Variants in ZPBP observed in about 807,000 individuals in gnomAD.
ZPBP encodes the protein zona pellucida binding protein, also known as zona pellucida-binding protein 1.
Under a neutral mutation model 44.8 loss-of-function variants are expected in ZPBP, and 26 were observed. The observed-to-expected ratio is 0.58, with a 90% CI of 0.43 to 0.81. ZPBP has a LOEUF of 0.81. ZPBP is among the 30% of genes least tolerant of loss of function. The pLI is 0.00. For missense variants in ZPBP, 409 were observed against 434.0 expected (o/e 0.94, Z 0.51); for synonymous variants, 174 against 153.2 (o/e 1.14, Z -1.00).
intron 7 of ZPBP, among the ~76,000 whole-genome samples, chr7:49,957,665 G>C (rs2128762438): frequency 6.6e-6 from 1 of 152,312 alleles, no homozygotes; most frequent in East Asian, 1.9e-4. Context: ...AAAGAAACTT[G>C]TTGTGAACAA....
downstream of ZPBP, among the ~76,000 whole-genome samples, chr7:49,932,685 G>A (rs547647147): frequency 2.6e-5 from 4 of 152,294 alleles, no homozygotes; most frequent in East Asian, 3.9e-4. Context: ...GTTTTGAAAT[G>A]TGAGGACATG....
At chr7:49,881,498 C>T (rs1053346194) in intron 2 of ZPBP, among the ~76,000 whole-genome samples, 1 of 152,152 alleles carries the variant, frequency 6.6e-6, no homozygotes, top group Non-Finnish European at 1.5e-5. Flanking sequence ...AACGTCCTGT[C>T]TCTTTTGACT....
At chr7:50,067,308 T>C (rs891253369) in intron 3 of ZPBP, among the ~76,000 whole-genome samples, 3 of 151,976 alleles carry the variant, frequency 2.0e-5, no homozygotes, top group African/African-American at 7.2e-5. Context: ...AATTTCTTCC[T>C]TGTACTTTAT....
At chr7:50,044,373 C>G (rs1329249058) in intron 4 of ZPBP, among the ~76,000 whole-genome samples, 1 of 152,008 alleles carries the variant, frequency 6.6e-6, no homozygotes, top group Non-Finnish European at 1.5e-5. Context: ...TCAATGAATC[C>G]AGGAGCTGGT....
At chr7:49,887,825 C>A (rs1683454162) in intron 2 of ZPBP, among the ~76,000 whole-genome samples, 1 of 152,338 alleles carries the variant, frequency 6.6e-6, no homozygotes, top group Non-Finnish European at 1.5e-5. Context: ...TCCCATCCCC[C>A]AGAAATATCT....
chr7:49,866,531 C>G (rs79185835), intron 2 of ZPBP, among the ~76,000 whole-genome samples: 4,180 of 152,244 alleles, frequency 0.027, 157 homozygotes, highest in South Asian at 0.12. Flanking sequence ...GCAGGTCACA[C>G]GGGCAAGCCC....
chr7:50,036,242 C>T (rs1017932991), intron 4 of ZPBP, among the ~76,000 whole-genome samples: 1 of 152,160 alleles, frequency 6.6e-6, no homozygotes, highest in Non-Finnish European at 1.5e-5. Flanking sequence ...CAACCTCCAC[C>T]TCCCGGGTTC....
chr7:49,955,855 G>T (rs542697995), intron 7 of ZPBP, among the ~76,000 whole-genome samples: 1 of 152,226 alleles, frequency 6.6e-6, no homozygotes, highest in Admixed American at 6.5e-5. Flanking sequence ...TGATCAATTT[G>T]TGGAATAAGT....
chr7:49,890,730 C>A (rs115099336), intron 2 of ZPBP, among the ~76,000 whole-genome samples: 83 of 145,582 alleles, frequency 5.7e-4, no homozygotes, highest in Middle Eastern at 3.5e-3. Context: ...CAAAGCAAAA[C>A]AAAAAAAAAA....
chr7:49,996,584 T>C (rs778108909), intron 6 of ZPBP, among the ~76,000 whole-genome samples: 3 of 152,302 alleles, frequency 2.0e-5, no homozygotes, highest in Non-Finnish European at 4.4e-5. Context: ...TTTTTGGTTG[T>C]TTACTAGGGT....
intron 1 of ZPBP, among the ~76,000 whole-genome samples, chr7:49,931,845 GC>G (rs201550989): frequency 6.6e-6 from 1 of 152,214 alleles, no homozygotes; most frequent in Non-Finnish European, 1.5e-5. Context: ...AAGGCCTAGG[GC>G]CCCCCTGCTC....
At chr7:50,031,018 G>T in intron 5 of ZPBP, 74 bp downstream of exon 5, 1 of 1,264,590 alleles carries the variant, frequency 7.9e-7, no homozygotes, top group Non-Finnish European at 1.2e-6. Flanking sequence ...AAAATGCTGT[G>T]AGTAATTAAC....
In ZPBP at chr7:50,023,463, C is replaced by T. The variant is rs1799187035; in HGVS notation, c.707-5147G>A. Among the ~76,000 whole-genome samples the T allele has an allele frequency of 2.0e-5, 3 of 151,902 alleles. No individual in the cohort carries two copies. In the South Asian group the frequency reaches 6.2e-4, roughly 32 times the overall value. ...ACAAGACGATAAAAAAAAATGTAGC[C>T]TCTAGTACTACGATAAACAGTAAAC... On this transcript the variant is annotated intron_variant, in intron 5 of 7. Coordinates refer to ENST00000046087, the MANE Select transcript of ZPBP (RefSeq NM_007009.3).
chr7:49,949,365 C>T (rs1795233019), intron 7 of ZPBP, among the ~76,000 whole-genome samples: 1 of 151,960 alleles, frequency 6.6e-6, no homozygotes, highest in Non-Finnish European at 1.5e-5. Context: ...TCACAATAGC[C>T]AACAGCTGGA....
intron 7 of ZPBP, chr7:49,940,897 G>A: frequency 1.9e-6 from 1 of 528,930 alleles, no homozygotes; most frequent in Non-Finnish European, 2.4e-6. Context: ...ACATAGGTGG[G>A]GCAAGAGATT....
intron 2 of ZPBP, among the ~76,000 whole-genome samples, chr7:49,865,063 A>C (rs1196231917): frequency 6.6e-6 from 1 of 152,330 alleles, no homozygotes; most frequent in East Asian, 1.9e-4. Flanking sequence ...TTTTTTGTAA[A>C]GAATTGTAAA....
chr7:49,951,263 G>A (rs952163047), intron 7 of ZPBP, among the ~76,000 whole-genome samples: 2 of 151,706 alleles, frequency 1.3e-5, no homozygotes, highest in African/African-American at 2.4e-5. Context: ...TATTATGGAT[G>A]TGAAAAGAAA....
chr7:50,016,061 G>A (rs1798805501), intron 6 of ZPBP, among the ~76,000 whole-genome samples: 1 of 151,992 alleles, frequency 6.6e-6, no homozygotes, highest in Admixed American at 6.6e-5. Flanking sequence ...CCCATTACTG[G>A]GCACATACCC....
At chr7:49,988,762 G>C (rs539107885) in intron 6 of ZPBP, among the ~76,000 whole-genome samples, 1 of 152,180 alleles carries the variant, frequency 6.6e-6, no homozygotes, top group South Asian at 2.1e-4. Flanking sequence ...TTGGAATAAA[G>C]GAAAAACATA....
Sources: gnomAD v4.1 joint callset for allele counts (sites outside exome capture counted in the v4.1 genomes callset) on GRCh38, gnomAD v4.1.1 for gene constraint, MANE v1.5 for transcripts, NCBI Gene and HGNC (gene_info 2026-07-23, HGNC 2026-07-21) for gene names.